GP6: variants seen among roughly 807,000 people sequenced by gnomAD.
GP6 encodes the protein platelet glycoprotein VI.
GP6 carries 45 observed loss-of-function variants against 37.3 expected under a neutral mutation model. That is an observed-to-expected ratio of 1.21 (90% confidence interval 0.95 to 1.55). The LOEUF is 1.55. Ranked by LOEUF, GP6 falls within the 40% of genes most tolerant of loss-of-function variation. The probability of loss-of-function intolerance (pLI) is 0.00; values close to 1 mark genes in which losing one functional copy is unlikely to be tolerated. For missense variants in GP6, 813 were observed against 760.2 expected (o/e 1.07, Z -0.82); for synonymous variants, 340 against 316.4 (o/e 1.07, Z -0.79).
intron 4 of GP6, among the ~76,000 whole-genome samples, chr19:55,025,544 A>G (rs948788384): frequency 1.3e-5 from 2 of 152,056 alleles, no homozygotes; most frequent in Non-Finnish European, 2.9e-5. Flanking sequence ...CGTCTCCACT[A>G]AAAATACAAA....
At chr19:55,029,205 A>C in intron 3 of GP6, among the ~76,000 whole-genome samples, 1 of 109,308 alleles carries the variant, frequency 9.1e-6, no homozygotes, top group South Asian at 2.9e-4. Context: ...CACTTAAGCA[A>C]CTATTATGTG....
intron 3 of GP6, among the ~76,000 whole-genome samples, chr19:55,029,417 A>T (rs62122006): frequency 2.5e-5 from 2 of 78,952 alleles, no homozygotes. Flanking sequence ...GGGAAACAGA[A>T]TCTCACTCTG....
rs2073801696 is a variant in GP6, at chr19:55,014,908, T to C, written c.1037A>G (p.Gln346Arg). 4 of 1,613,518 alleles carry C rather than the reference T, an allele frequency of 2.5e-6. No individual in the cohort carries two copies. The highest frequency in any genetic ancestry group is 1.6e-4 in the Middle Eastern group (1 of 6,084). Residue 346 changes from glutamine (Q) to arginine (R), a missense_variant, in exon 8 of 8, where the codon CAG becomes CGG. Gln to Arg is a conservative substitution (Grantham distance 43, BLOSUM62 1). Coordinates refer to ENST00000310373, the MANE Select transcript of GP6 (RefSeq NM_001083899.2). ...TCCCTCCCTTGGATACGACCGTGCC[T>C]GGGGTTCAGCGGTCATGAACATAAC...
At chr19:55,020,534 T>A (rs1452275285) in intron 5 of GP6, among the ~76,000 whole-genome samples, 3 of 152,204 alleles carry the variant, frequency 2.0e-5, no homozygotes, top group Non-Finnish European at 4.4e-5. Context: ...TCCATGTCCC[T>A]GCAAAGGACA....
At chr19:55,020,178 C>T (rs1446718224) in intron 5 of GP6, among the ~76,000 whole-genome samples, 3 of 146,998 alleles carry the variant, frequency 2.0e-5, no homozygotes, top group Middle Eastern at 3.4e-3. Context: ...TTTGTTATTT[C>T]TCTTCGTGTG....
At chr19:55,017,160 A>T (rs1483009223) in intron 6 of GP6, among the ~76,000 whole-genome samples, 1 of 149,726 alleles carries the variant, frequency 6.7e-6, no homozygotes, top group African/African-American at 2.5e-5. Context: ...TCTGTTGCCC[A>T]GGCTGGAGTG....
intron 4 of GP6, among the ~76,000 whole-genome samples, chr19:55,026,722 C>T (rs962055272): frequency 4.6e-5 from 7 of 152,026 alleles, no homozygotes; most frequent in East Asian, 1.9e-4. Context: ...CCCGTCTCTA[C>T]TAAAAATACA....
At chr19:55,031,839 G>A (rs907614978) in intron 3 of GP6, among the ~76,000 whole-genome samples, 2 of 152,110 alleles carry the variant, frequency 1.3e-5, no homozygotes, top group Admixed American at 6.6e-5. Flanking sequence ...TGGGCGTGGT[G>A]GTGCACACCT....
rs921181795 is a variant in GP6 at position 55,032,862 on chromosome 19, G to A, written c.35-324C>T. ...CTGTGGACTTGTTCGTGTTAGACAC[G>A]GTGGGCTCGTTCGTGTTAGACACGG... On this transcript the variant is annotated intron_variant, in intron 1 of 7. Transcript: ENST00000310373. The A allele has an allele frequency of 1.1e-3, 551 of 499,168 alleles. 5 individuals carry two copies. Among genetic ancestry groups the A allele is most frequent in the African/African-American group, 9.3e-3 (446 of 48,118 alleles). The allele number at this position is 499,168 out of a possible 1,614,324, so 30.9% of individuals were successfully genotyped here.
intron 5 of GP6, among the ~76,000 whole-genome samples, chr19:55,024,494 T>A (rs2074231071): frequency 6.6e-6 from 1 of 152,298 alleles, no homozygotes; most frequent in Non-Finnish European, 1.5e-5. Context: ...TCTCCTGCCT[T>A]GGTGCTTCAC....
At chr19:55,021,796 C>G (rs1445289893) in intron 5 of GP6, among the ~76,000 whole-genome samples, 1 of 151,898 alleles carries the variant, frequency 6.6e-6, no homozygotes, top group Non-Finnish European at 1.5e-5. Context: ...CTGGGATTAC[C>G]GGCGTGAGCC....
intron 5 of GP6, 67 bp downstream of exon 5, chr19:55,025,151 G>T: frequency 1.2e-6 from 1 of 818,862 alleles, no homozygotes; most frequent in Non-Finnish European, 2.1e-6. Context: ...TCTAGGCAGA[G>T]AGGAGAGAGA....
At chr19:55,025,132 A>G (rs904765738) in intron 5 of GP6, 86 bp downstream of exon 5, 1 of 776,938 alleles carries the variant, frequency 1.3e-6, no homozygotes, top group African/African-American at 1.7e-5. Flanking sequence ...ACTGAATTAA[A>G]TCGAGAAGTC....
intron 1 of GP6, among the ~76,000 whole-genome samples, chr19:55,036,999 A>C (rs2074854985): frequency 6.6e-6 from 1 of 152,202 alleles, no homozygotes; most frequent in South Asian, 2.1e-4. Context: ...CGACCGACTG[A>C]GCGAGACTCC....
At position 55,032,382 on chromosome 19, in the gene GP6, G is replaced by A. The variant is rs201283598; in HGVS notation, c.82C>T (p.Pro28Ser). ...GAGCTGGGCAGAGCCTGGAGGGAGGGCTTGGGGAGCGGTCCTGGAAGAGGA... is the reference window on the plus strand; with the variant it reads ...GAGCTGGGCAGAGCCTGGAGGGAGGACTTGGGGAGCGGTCCTGGAAGAGGA... Residue 28 changes from proline (P) to serine (S), a missense_variant, in exon 3 of 8, where the codon CCC becomes TCC. Pro to Ser is a moderately conservative substitution (Grantham distance 74). Transcript: ENST00000310373. 6.1e-5 allele frequency: 98 copies of A among 1,613,124 alleles called. No homozygotes were observed. The African/African-American group carries it at 1.2e-3, about 20-fold the overall frequency.
intron 3 of GP6, 83 bp from the exon 4 acceptor site, chr19:55,027,945 A>G: frequency 7.2e-7 from 1 of 1,393,898 alleles, no homozygotes; most frequent in Non-Finnish European, 1.0e-6. Context: ...CCTGCCTAAG[A>G]GCTGGGGAGC....
At chr19:55,032,810 G>A in intron 1 of GP6, 2 of 605,476 alleles carry the variant, frequency 3.3e-6, no homozygotes, top group Non-Finnish European at 5.9e-6. Flanking sequence ...TGGGAGAGGA[G>A]GGCAAGGCAT....
Position 55,032,274 on chromosome 19 carries a change from A to AT in GP6, c.189_190insA (p.Ser64IlefsTer78). On this transcript the variant is annotated frameshift_variant, in exon 3 of 8. Transcript: ENST00000310373. LOFTEE classifies it high-confidence loss of function. ...ACTGCCTGATCCTGGTACCTGCTGGAACTCAGCTTCTCCAGGCGGTACAGG... is the reference window on the plus strand; with the variant it reads ...ACTGCCTGATCCTGGTACCTGCTGGATACTCAGCTTCTCCAGGCGGTACAGG... 1 of 1,614,148 alleles carries AT rather than the reference A, an allele frequency of 6.2e-7. No individual in the cohort carries two copies. Among genetic ancestry groups the AT allele is most frequent in the Non-Finnish European group, 8.5e-7 (1 of 1,180,028 alleles).
intron 7 of GP6, 85 bp from the exon 8 acceptor site, chr19:55,015,250 C>T: frequency 6.5e-7 from 1 of 1,546,924 alleles, no homozygotes; most frequent in Non-Finnish European, 8.7e-7. Flanking sequence ...TCTCAGAGAT[C>T]CTATTATTCT....
Sources: gnomAD v4.1 joint callset for allele counts (sites outside exome capture counted in the v4.1 genomes callset) on GRCh38, gnomAD v4.1.1 for gene constraint, MANE v1.5 for transcripts, NCBI Gene and HGNC (gene_info 2026-07-23, HGNC 2026-07-21) for gene names.